The following BLTP1 variants were observed in gnomAD, a reference collection of about 807,000 sequenced individuals.
The protein encoded by BLTP1 is bridge-like lipid transfer protein family member 1.
chr4:122,243,343 T>A, the BLTP1 span: 8 of 893,578 alleles, frequency 9.0e-6, no homozygotes, highest in Non-Finnish European at 1.1e-5. Flanking sequence ...GTACATCAGG[T>A]AAATATATTA....
chr4:122,260,707 T>C, the BLTP1 span, among the ~76,000 whole-genome samples: 1 of 152,006 alleles, frequency 6.6e-6, no homozygotes, highest in Non-Finnish European at 1.5e-5. Flanking sequence ...TTATCTAGTA[T>C]TTCCATATTG....
the BLTP1 span, among the ~76,000 whole-genome samples, chr4:122,277,852 A>G: frequency 1.3e-5 from 2 of 152,192 alleles, no homozygotes; most frequent in Non-Finnish European, 2.9e-5. Flanking sequence ...GTGGTTGTAC[A>G]GATCTCTAAA....
the BLTP1 span, chr4:122,348,906 A>G: frequency 1.8e-6 from 1 of 542,024 alleles, no homozygotes; most frequent in Non-Finnish European, 3.2e-6. Context: ...ATCATGAAAT[A>G]TATGTTCTAT....
the BLTP1 span, chr4:122,169,839 A>G: frequency 1.0e-6 from 1 of 985,248 alleles, no homozygotes; most frequent in Non-Finnish European, 1.2e-6. Context: ...AGTGAATCTG[A>G]ACTAGGAAGA....
chr4:122,309,203 A>T, the BLTP1 span: 215 of 1,555,354 alleles, frequency 1.4e-4, no homozygotes, highest in Admixed American at 5.2e-4. Context: ...GAATCCTGTG[A>T]GGATTTCTAA....
the BLTP1 span, chr4:122,299,748 A>ATATG: frequency 9.8e-5 from 93 of 952,472 alleles, no homozygotes; most frequent in African/African-American, 1.5e-3. Context: ...ACACATACAT[A>ATATG]TATGTATGTA....
chr4:122,235,479 A>G, the BLTP1 span: 2 of 981,098 alleles, frequency 2.0e-6, no homozygotes, highest in Non-Finnish European at 2.4e-6. Context: ...AAAATTAAAC[A>G]TGTCAAGAAA....
the BLTP1 span, chr4:122,328,482 C>CAT: frequency 1.2e-6 from 1 of 809,770 alleles, no homozygotes; most frequent in Non-Finnish European, 1.8e-6. Context: ...GTGAGACTAA[C>CAT]AGACTCATTA....
the BLTP1 span, chr4:122,229,104 A>C: frequency 3.2e-6 from 5 of 1,573,736 alleles, no homozygotes; most frequent in South Asian, 5.9e-5. Flanking sequence ...TAGATGTACA[A>C]TCCTTTTTTA....
the BLTP1 span, chr4:122,204,526 A>G: frequency 1.0e-6 from 1 of 984,702 alleles, no homozygotes; most frequent in Non-Finnish European, 1.2e-6. Flanking sequence ...GGTGGAAGAC[A>G]TTTAAGAACA....
the BLTP1 span, among the ~76,000 whole-genome samples, chr4:122,195,362 T>C: frequency 5.3e-5 from 8 of 152,218 alleles, no homozygotes; most frequent in African/African-American, 1.9e-4. Context: ...AAATACAAAC[T>C]GTTTTACAAT....
the BLTP1 span, among the ~76,000 whole-genome samples, chr4:122,191,865 CA>C: frequency 1.3e-5 from 2 of 151,456 alleles, no homozygotes; most frequent in African/African-American, 2.4e-5. Context: ...AGAGATTTGC[CA>C]AAAAAACCTC....
the BLTP1 span, chr4:122,225,213 A>G: frequency 5.2e-6 from 1 of 192,772 alleles, no homozygotes; most frequent in Admixed American, 6.4e-5. Flanking sequence ...TCAAAAAACA[A>G]AAGTGAATTT....
the BLTP1 span, among the ~76,000 whole-genome samples, chr4:122,275,758 C>G: frequency 2.0e-5 from 3 of 151,994 alleles, no homozygotes; most frequent in Non-Finnish European, 4.4e-5. Context: ...TACTGCCAAA[C>G]TCGTAGTGTA....
the BLTP1 span, among the ~76,000 whole-genome samples, chr4:122,164,730 G>A: frequency 1.3e-5 from 2 of 151,806 alleles, no homozygotes; most frequent in Admixed American, 6.6e-5. Context: ...TTATTAAATG[G>A]GTGGTAATCC....
At chr4:122,296,265 C>T in the BLTP1 span, among the ~76,000 whole-genome samples, 1 of 152,168 alleles carries the variant, frequency 6.6e-6, no homozygotes, top group East Asian at 1.9e-4. Context: ...CATTCCTATA[C>T]ACCAATAACA....
the BLTP1 span, chr4:122,339,557 C>A: frequency 6.9e-6 from 4 of 582,594 alleles, no homozygotes; most frequent in Non-Finnish European, 1.1e-5. Flanking sequence ...TATAGCAGAC[C>A]AATGTTTTGA....
chr4:122,194,137 C>T, the BLTP1 span, among the ~76,000 whole-genome samples: 2 of 152,182 alleles, frequency 1.3e-5, no homozygotes, highest in African/African-American at 2.4e-5. Flanking sequence ...GCTGGGATTA[C>T]AGGCGTGAGC....
At chr4:122,186,026 G>T in the BLTP1 span, 3 of 1,519,846 alleles carry the variant, frequency 2.0e-6, no homozygotes, top group East Asian at 2.3e-5. Context: ...TTTGTAATTG[G>T]TGTCTTTAGA....
Sources: gnomAD v4.1 joint callset for allele counts (sites outside exome capture counted in the v4.1 genomes callset) on GRCh38, gnomAD v4.1.1 for gene constraint, MANE v1.5 for transcripts, NCBI Gene and HGNC (gene_info 2026-07-23, HGNC 2026-07-21) for gene names.